The following HCN1 variants were observed in gnomAD, a reference collection of about 807,000 sequenced individuals.
HCN1 encodes the protein potassium/sodium hyperpolarization-activated cyclic nucleotide-gated channel 1.
Under a neutral mutation model 78.9 loss-of-function variants are expected in HCN1, and 13 were observed. The observed-to-expected ratio is 0.16, with a 90% confidence interval of 0.11 to 0.26. The LOEUF (loss-of-function observed/expected upper bound fraction) is 0.26. Ranked by LOEUF, HCN1 falls within the 10% of genes least tolerant of loss-of-function variation. The probability of loss-of-function intolerance (pLI) is 1.00; values close to 1 mark genes in which losing one functional copy is unlikely to be tolerated. For missense variants in HCN1, 810 were observed against 1,154.3 expected, an observed-to-expected ratio of 0.70 and a Z score of 4.32; for synonymous variants, 552 against 455.5, an observed-to-expected ratio of 1.21 and a Z score of -2.70.
intron 6 of HCN1, among the ~76,000 whole-genome samples, chr5:45,282,807 T>G (rs763055368): frequency 2.6e-5 from 4 of 152,216 alleles, no homozygotes; most frequent in Non-Finnish European, 5.9e-5. Context: ...TTCTTCAGTG[T>G]GTAGTGTGTA....
intron 2 of HCN1, among the ~76,000 whole-genome samples, chr5:45,557,343 T>G (rs1743491708): frequency 6.6e-6 from 1 of 152,140 alleles, no homozygotes; most frequent in South Asian, 2.1e-4. Flanking sequence ...CTGCAGCTTT[T>G]ACATTTTCAG....
chr5:45,417,830 A>C (rs1740149164), intron 3 of HCN1, among the ~76,000 whole-genome samples: 1 of 151,476 alleles, frequency 6.6e-6, no homozygotes, highest in African/African-American at 2.4e-5. Flanking sequence ...CAATCCTCCA[A>C]ATACCTCCCA....
At chr5:45,305,843 G>A (rs996318364) in intron 5 of HCN1, among the ~76,000 whole-genome samples, 3 of 146,972 alleles carry the variant, frequency 2.0e-5, no homozygotes, top group African/African-American at 7.5e-5. Context: ...AGGAGGGAGG[G>A]AGGAAGGAAG....
chr5:45,362,358 A>G (rs1324832152), intron 4 of HCN1, among the ~76,000 whole-genome samples: 3 of 151,940 alleles, frequency 2.0e-5, no homozygotes, highest in African/African-American at 7.3e-5. Context: ...AGTTTCTTTC[A>G]CTCACAGAAG....
intron 2 of HCN1, among the ~76,000 whole-genome samples, chr5:45,588,558 A>G (rs1238620779): frequency 6.6e-6 from 1 of 152,114 alleles, no homozygotes; most frequent in East Asian, 1.9e-4. Flanking sequence ...CTAAATGCCG[A>G]CACCCTACTC....
chr5:45,547,740 C>G (rs1464544824), intron 2 of HCN1, among the ~76,000 whole-genome samples: 5 of 151,772 alleles, frequency 3.3e-5, no homozygotes, highest in Non-Finnish European at 7.4e-5. Flanking sequence ...TATGTGTCAT[C>G]TGTGAATTTG....
At chr5:45,660,260 T>C (rs1294070724) in intron 1 of HCN1, among the ~76,000 whole-genome samples, 1 of 101,498 alleles carries the variant, frequency 9.9e-6, no homozygotes, top group Admixed American at 9.4e-5. Flanking sequence ...TGCTGAGAGA[T>C]TTTGTCACCA....
At chr5:45,456,941 C>T (rs1741039767) in intron 3 of HCN1, among the ~76,000 whole-genome samples, 1 of 152,044 alleles carries the variant, frequency 6.6e-6, no homozygotes, top group Admixed American at 6.6e-5. Context: ...TGTAACTCCT[C>T]ATGACACAAC....
At chr5:45,357,428 C>A (rs1277881469) in intron 4 of HCN1, among the ~76,000 whole-genome samples, 1 of 152,026 alleles carries the variant, frequency 6.6e-6, no homozygotes, top group East Asian at 1.9e-4. Flanking sequence ...GCATTCCCTA[C>A]ATTTTCTCTA....
intron 1 of HCN1, among the ~76,000 whole-genome samples, chr5:45,679,294 G>A (rs1739658339): frequency 6.6e-6 from 1 of 152,008 alleles, no homozygotes; most frequent in African/African-American, 2.4e-5. Context: ...AGGACTCAGT[G>A]AGGTAACAGA....
chr5:45,374,129 T>G (rs1420824459), intron 4 of HCN1, among the ~76,000 whole-genome samples: 7 of 115,488 alleles, frequency 6.1e-5, no homozygotes, highest in Non-Finnish European at 8.3e-5. Flanking sequence ...ATATATAATA[T>G]ATATTATATA....
At chr5:45,316,204 G>T (rs946006600) in intron 5 of HCN1, among the ~76,000 whole-genome samples, 4 of 152,102 alleles carry the variant, frequency 2.6e-5, no homozygotes, top group African/African-American at 4.8e-5. Context: ...ACATCTAAAA[G>T]GTTATCCACC....
At chr5:45,424,514 A>G (rs1052889657) in intron 3 of HCN1, among the ~76,000 whole-genome samples, 15 of 152,174 alleles carry the variant, frequency 9.9e-5, no homozygotes, top group Admixed American at 3.9e-4. Flanking sequence ...AGAGAAAAAA[A>G]TTCTTCATAA....
chr5:45,582,332 G>A (rs1220482226), intron 2 of HCN1, among the ~76,000 whole-genome samples: 1 of 151,984 alleles, frequency 6.6e-6, no homozygotes, highest in African/African-American at 2.4e-5. Context: ...GTCTGTTGTT[G>A]GTGTATAAGA....
At chr5:45,348,515 G>C (rs973888787) in intron 5 of HCN1, among the ~76,000 whole-genome samples, 11 of 151,988 alleles carry the variant, frequency 7.2e-5, no homozygotes, top group African/African-American at 2.7e-4. Flanking sequence ...CACACATAAC[G>C]ATATTAACTT....
chr5:45,552,848 G>T (rs985561570), intron 2 of HCN1, among the ~76,000 whole-genome samples: 1 of 151,774 alleles, frequency 6.6e-6, no homozygotes, highest in Non-Finnish European at 1.5e-5. Flanking sequence ...GACTCTACAT[G>T]GCATAATGTA....
At chr5:45,363,360 G>C (rs553963438) in intron 4 of HCN1, among the ~76,000 whole-genome samples, 15 of 151,344 alleles carry the variant, frequency 9.9e-5, no homozygotes, top group African/African-American at 3.4e-4. Flanking sequence ...TGGTCTTCTG[G>C]GGGGTGAGGA....
chr5:45,643,933 A>T (rs936581242), intron 2 of HCN1: 1 of 152,278 alleles, frequency 6.6e-6, no homozygotes, highest in African/African-American at 2.4e-5. Flanking sequence ...TTACAAGATG[A>T]ATCTGATTTC....
At chr5:45,448,339 A>G (rs1241930736) in intron 3 of HCN1, among the ~76,000 whole-genome samples, 1 of 152,180 alleles carries the variant, frequency 6.6e-6, no homozygotes, top group Non-Finnish European at 1.5e-5. Flanking sequence ...ACTTTATTCC[A>G]GTTTATTCAG....
Sources: gnomAD v4.1 joint callset for allele counts (sites outside exome capture counted in the v4.1 genomes callset) on GRCh38, gnomAD v4.1.1 for gene constraint, MANE v1.5 for transcripts, NCBI Gene and HGNC (gene_info 2026-07-23, HGNC 2026-07-21) for gene names.